Variants in OR9G1 observed in about 807,000 individuals in gnomAD.
OR9G1 encodes the protein olfactory receptor 9G1.
Under a neutral mutation model 14.5 loss-of-function variants are expected in OR9G1, and 21 were observed. The ratio of observed to expected loss-of-function variants is 1.45; its 90% CI spans 1.03 to 2.09. The LOEUF is 2.09. OR9G1 is among the 30% of genes most tolerant of loss of function. The pLI is 0.00. For synonymous variants in OR9G1, 179 were observed against 153.3 expected, an observed-to-expected ratio of 1.17 and a Z score of -1.24; for missense variants, 476 against 364.2, an observed-to-expected ratio of 1.31 and a Z score of -2.50.
rs959884342 is a variant in OR9G1, at chr11:56,703,093, A to C, written c.*1788A>C. The C allele has an allele frequency of 7.2e-5, 11 of 152,304 alleles. No individual in the cohort carries two copies. The highest frequency in any genetic ancestry group is 2.7e-4 in the African/African-American group (11 of 41,482). 9.4% of individuals were successfully genotyped at this position (152,304 alleles called of 1,614,324 possible). A position where few individuals can be genotyped will look rare whatever the true frequency, so the allele number is the denominator to read the frequency against. ...CAAAAAGATGAATATGACAAGTGGC[A>C]TTTAATTTTCATTAGTTTTTCAATG... On this transcript the variant is annotated 3_prime_UTR_variant, in exon 2 of 2. Coordinates refer to ENST00000642097, the MANE Select transcript of OR9G1 (RefSeq NM_001005213.2).
Position 56,701,020 on chromosome 11 carries a change from G to A in OR9G1, c.633G>A (p.Val211=), listed in dbSNP as rs1222306875. ...LLASNVICPA[V]LILASYLFII... ...CCTCCAATGTCATCTGCCCCGCAGT[G>A]CTCATCCTGGCCTCCTACCTCTTTA... The change falls in exon 2 of 2, where the codon GTG becomes GTA. Residue 211 remains valine (V), a synonymous_variant. Coordinates refer to ENST00000642097, the MANE Select transcript of OR9G1 (RefSeq NM_001005213.2). 2 of 1,614,270 alleles carry A rather than the reference G, an allele frequency of 1.2e-6. No homozygotes were observed. Among genetic ancestry groups the A allele is most frequent in the Non-Finnish European group, 1.7e-6 (2 of 1,180,016 alleles).
At position 56,700,829 on chromosome 11, in the gene OR9G1, T is replaced by C; in HGVS notation, c.442T>C (p.Tyr148His). ...KLCALLVAVSYCGGFINSSII... is the reference protein window; with the variant it reads ...KLCALLVAVSHCGGFINSSII... Reference sequence around the variant, plus strand: ...GTGTGCATTGCTGGTAGCAGTCTCATATTGTGGTGGCTTTATTAACTCTTC... The same window carrying C: ...GTGTGCATTGCTGGTAGCAGTCTCACATTGTGGTGGCTTTATTAACTCTTC... The change falls in exon 2 of 2, where the codon TAT (tyrosine) becomes CAT (histidine). Residue 148 changes from tyrosine (Y) to histidine (H), a missense_variant. Tyr to His is a moderately conservative substitution (Grantham distance 83). Transcript: ENST00000642097. 1 of 1,614,320 alleles carries C rather than the reference T, an allele frequency of 6.2e-7. No homozygotes were observed. Among genetic ancestry groups the C allele is most frequent in the Non-Finnish European group, 8.5e-7 (1 of 1,180,062 alleles).
chr11:56,703,719 G>A lies in OR9G1; in HGVS notation c.*2414G>A, dbSNP rs947718183. 7.2e-5 allele frequency: 11 copies of A among 152,428 alleles called. No homozygotes were observed. The highest frequency in any genetic ancestry group is 2.1e-4 in the South Asian group (1 of 4,834). The allele number at this position is 152,428 out of a possible 1,614,324, so 9.4% of individuals were successfully genotyped here. ...AGAAGAGAGTCTCAAACTACTTGAC[G>A]GCTTCTATTCTAATATTTTTATGGG... is the stretch of plus-strand genomic sequence containing the variant. On this transcript the variant is annotated 3_prime_UTR_variant, in exon 2 of 2. Transcript: ENST00000642097.
rs1473507192 is a variant in OR9G1 at position 56,702,417 on chromosome 11, T to A, written c.*1112T>A. On this transcript the variant is annotated 3_prime_UTR_variant, in exon 2 of 2. Transcript: ENST00000642097. ...ATTCCTGTAAGCATCTACCCAGAAG[T>A]GGAATTGTTAGATCATATGGTAATT... 2 of 152,162 alleles carry A rather than the reference T, an allele frequency of 1.3e-5. No individual in the cohort carries two copies. Among genetic ancestry groups the A allele is most frequent in the Non-Finnish European group, 2.9e-5 (2 of 68,022 alleles). The allele number at this position is 152,162 out of a possible 1,614,324, so 9.4% of individuals were successfully genotyped here.
chr11:56,701,492 A>G lies in OR9G1; in HGVS notation c.*187A>G. Reference sequence around the variant, plus strand: ...AAACATCTGAATATATAAGAATTTGAATTGAATTTCCTATCTCTCTTATTA... The same window carrying G: ...AAACATCTGAATATATAAGAATTTGGATTGAATTTCCTATCTCTCTTATTA... On this transcript the variant is annotated 3_prime_UTR_variant, in exon 2 of 2. Transcript: ENST00000642097. 1 of 856,272 alleles carries G rather than the reference A, an allele frequency of 1.2e-6. No individual in the cohort carries two copies. The highest frequency in any genetic ancestry group is 1.7e-6 in the Non-Finnish European group (1 of 593,700). The allele number at this position is 856,272 out of a possible 1,614,324, so 53.0% of individuals were successfully genotyped here. A position where few individuals can be genotyped will look rare whatever the true frequency, so the allele number is the denominator to read the frequency against.
rs1458268653 is a variant in OR9G1, at chr11:56,700,761, T to A, written c.374T>A (p.Ile125Asn). ...GTGGCTTATGACCGCTACGTGGCCA[T>A]CTCCAAGCCCCTGCTTTATGCCCAG... ...AAVAYDRYVA[I>N]SKPLLYAQAM... is the part of the protein sequence containing the mutation. Residue 125 changes from isoleucine to asparagine, a missense_variant, in exon 2 of 2, where the codon ATC (isoleucine) becomes AAC (asparagine). Transcript: ENST00000642097. The A allele has an allele frequency of 2.5e-6, 4 of 1,614,194 alleles. No individual in the cohort carries two copies. The African/African-American group carries it at 5.3e-5, about 22-fold the overall frequency.
chr11:56,702,372 T>C lies in OR9G1; in HGVS notation c.*1067T>C, dbSNP rs1004098244. On this transcript the variant is annotated 3_prime_UTR_variant, in exon 2 of 2. Coordinates refer to ENST00000642097, the MANE Select transcript of OR9G1 (RefSeq NM_001005213.2). ...CAATGAACATGAAAGCACAGATATCTCCTCAACATACCTATATCAATTCCT... is the reference window on the plus strand; with the variant it reads ...CAATGAACATGAAAGCACAGATATCCCCTCAACATACCTATATCAATTCCT... 6.6e-6 allele frequency: 1 copy of C among 152,284 alleles called. No individual in the cohort carries two copies. The highest frequency in any genetic ancestry group is 1.5e-5 in the Non-Finnish European group (1 of 68,046). The allele number at this position is 152,284 out of a possible 1,614,324, so 9.4% of individuals were successfully genotyped here. A position where few individuals can be genotyped will look rare whatever the true frequency, so the allele number is the denominator to read the frequency against.
At chr11:56,699,561 T>C (rs1439035273) in intron 1 of OR9G1, among the ~76,000 whole-genome samples, 1 of 152,310 alleles carries the variant, frequency 6.6e-6, no homozygotes, top group Non-Finnish European at 1.5e-5. Flanking sequence ...AGTTAGTCTG[T>C]CAAGAATTGT....
intron 1 of OR9G1, 142 bp downstream of exon 1, chr11:56,699,332 T>A (rs1240351947): frequency 6.6e-6 from 1 of 152,338 alleles, no homozygotes; most frequent in Non-Finnish European, 1.5e-5. Flanking sequence ...TTGAATGGAG[T>A]AGAGGTAGCA....
Position 56,700,441 on chromosome 11 carries a change from A to C in OR9G1, c.54A>C (p.Thr18=). The C allele has an allele frequency of 6.2e-7, 1 of 1,614,314 alleles. No individual in the cohort carries two copies. The highest frequency in any genetic ancestry group is 1.1e-5 in the South Asian group (1 of 91,092). The change falls in exon 2 of 2, where the codon ACA becomes ACC. Residue 18 remains threonine, a synonymous_variant. Transcript: ENST00000642097. ...VTEFILLGFT[T]DPGMQLGLFV... ...AGTTTATACTGCTGGGCTTCACCAC[A>C]GACCCAGGAATGCAGCTGGGCCTCT...
chr11:56,701,004 T>A lies in OR9G1; in HGVS notation c.617T>A (p.Val206Asp). The change falls in exon 2 of 2, where the codon GTC (valine) becomes GAC (aspartate). Residue 206 changes from valine to aspartate, a missense_variant. By Grantham distance (152) the Val-to-Asp change is radical (BLOSUM62 -3). Around this residue, in one of 3 missense-constraint regions of OR9G1, gnomAD observed 352 missense variants for 211.6 expected, o/e 1.66. Transcript: ENST00000642097. Reference sequence around the variant, plus strand: ...ATGTACTTCCTGCTGGCCTCCAATGTCATCTGCCCCGCAGTGCTCATCCTG... The same window carrying A: ...ATGTACTTCCTGCTGGCCTCCAATGACATCTGCCCCGCAGTGCTCATCCTG... ...IMMYFLLASNVICPAVLILAS... is the reference protein window; with the variant it reads ...IMMYFLLASNDICPAVLILAS... 2 of 1,614,270 alleles carry A rather than the reference T, an allele frequency of 1.2e-6. No homozygotes were observed. Among genetic ancestry groups the A allele is most frequent in the Non-Finnish European group, 1.7e-6 (2 of 1,180,012 alleles).
intron 1 of OR9G1, 29 bp from the exon 2 acceptor site, chr11:56,700,341 C>G (rs777721992): frequency 8.3e-5 from 133 of 1,605,066 alleles, no homozygotes; most frequent in Non-Finnish European, 1.1e-4. Flanking sequence ...GACAGTAATG[C>G]AAACTGAGCT....
rs77576985 is a variant in OR9G1, at chr11:56,703,397, C to T, written c.*2092C>T. The T allele has an allele frequency of 3.7e-5, 5 of 135,290 alleles. No individual in the cohort carries two copies. The East Asian group carries it at 6.4e-4, about 17-fold the overall frequency. The allele number at this position is 135,290 out of a possible 1,614,324, so 8.4% of individuals were successfully genotyped here. ...GTAATTCCAAGATGCTCGTGTCAGC[C>T]GTTCTAAAAAGGAACGCTATATATG... On this transcript the variant is annotated 3_prime_UTR_variant, in exon 2 of 2. Transcript: ENST00000642097.
Position 56,700,844 on chromosome 11 carries a change from A to G in OR9G1, c.457A>G (p.Ile153Val). The change falls in exon 2 of 2, where the codon ATT (isoleucine) becomes GTT (valine). Residue 153 changes from isoleucine to valine, a missense_variant. Coordinates refer to ENST00000642097, the MANE Select transcript of OR9G1 (RefSeq NM_001005213.2). ...AGCAGTCTCATATTGTGGTGGCTTT[A>G]TTAACTCTTCAATCATCACCAAGAA... ...LVAVSYCGGF[I>V]NSSIITKKTF... 11 of 1,614,316 alleles carry G rather than the reference A, an allele frequency of 6.8e-6. No individual in the cohort carries two copies. The highest frequency in any genetic ancestry group is 9.3e-6 in the Non-Finnish European group (11 of 1,180,060).
chr11:56,701,438 A>C lies in OR9G1; in HGVS notation c.*133A>C. 1 of 1,254,866 alleles carries C rather than the reference A, an allele frequency of 8.0e-7. No homozygotes were observed. The highest frequency in any genetic ancestry group is 1.1e-6 in the Non-Finnish European group (1 of 950,482). The allele number at this position is 1,254,866 out of a possible 1,614,324, so 77.7% of individuals were successfully genotyped here. A position where few individuals can be genotyped will look rare whatever the true frequency, so the allele number is the denominator to read the frequency against. On this transcript the variant is annotated 3_prime_UTR_variant, in exon 2 of 2. Transcript: ENST00000642097. ...ACACGTGAGAGTTACAGACATGTACAATAAGAAAATTAGGAAAATTTCGGA... is the reference window on the plus strand; with the variant it reads ...ACACGTGAGAGTTACAGACATGTACCATAAGAAAATTAGGAAAATTTCGGA...
Position 56,701,018 on chromosome 11 carries a change from G to C in OR9G1, c.631G>C (p.Val211Leu). The C allele has an allele frequency of 1.2e-6, 2 of 1,614,272 alleles. No individual in the cohort carries two copies. The highest frequency in any genetic ancestry group is 1.6e-4 in the Middle Eastern group (1 of 6,062). Residue 211 changes from valine (V) to leucine (L), a missense_variant, in exon 2 of 2, where the codon GTG (valine) becomes CTG (leucine). Coordinates refer to ENST00000642097, the MANE Select transcript of OR9G1 (RefSeq NM_001005213.2). Reference protein sequence around the residue: ...LLASNVICPAVLILASYLFII... With the variant: ...LLASNVICPALLILASYLFII... ...GGCCTCCAATGTCATCTGCCCCGCA[G>C]TGCTCATCCTGGCCTCCTACCTCTT...
intron 1 of OR9G1, 58 bp from the exon 2 acceptor site, chr11:56,700,312 C>A: frequency 6.4e-7 from 1 of 1,572,420 alleles, no homozygotes. Flanking sequence ...TCTTATGTAA[C>A]ATAATTCTAC....
In OR9G1 at chr11:56,701,444, A is replaced by G; in HGVS notation, c.*139A>G. The G allele has an allele frequency of 8.3e-7, 1 of 1,201,158 alleles. No individual in the cohort carries two copies. The allele number at this position is 1,201,158 out of a possible 1,614,324, so 74.4% of individuals were successfully genotyped here. On this transcript the variant is annotated 3_prime_UTR_variant, in exon 2 of 2. Coordinates refer to ENST00000642097, the MANE Select transcript of OR9G1 (RefSeq NM_001005213.2). The stretch of plus-strand genomic sequence containing the variant: ...GAGAGTTACAGACATGTACAATAAG[A>G]AAATTAGGAAAATTTCGGACAAAAA...
rs962148538 is a variant in OR9G1, at chr11:56,701,913, A to G, written c.*608A>G. 2.0e-5 allele frequency: 3 copies of G among 152,352 alleles called. No homozygotes were observed. The highest frequency in any genetic ancestry group is 4.4e-5 in the Non-Finnish European group (3 of 68,094). The allele number at this position is 152,352 out of a possible 1,614,324, so 9.4% of individuals were successfully genotyped here. A position where few individuals can be genotyped will look rare whatever the true frequency, so the allele number is the denominator to read the frequency against. The stretch of plus-strand genomic sequence containing the variant: ...GCCATATATATGATTTTTGTAATTC[A>G]CTGTATAACTCCCAGAGCTCCTCTT... On this transcript the variant is annotated 3_prime_UTR_variant, in exon 2 of 2. Transcript: ENST00000642097.
Sources: gnomAD v4.1 joint callset for allele counts (sites outside exome capture counted in the v4.1 genomes callset) on GRCh38, gnomAD v4.1.1 for gene constraint, gnomAD v4.1.1 regional missense constraint, MANE v1.5 for transcripts, NCBI Gene and HGNC (gene_info 2026-07-23, HGNC 2026-07-21) for gene names.